PDE7B: variants seen among roughly 807,000 people sequenced by gnomAD.
PDE7B encodes the protein phosphodiesterase 7B.
PDE7B carries 29 observed loss-of-function variants against 56.2 expected under a neutral mutation model. The ratio of observed to expected loss-of-function variants is 0.52; its 90% CI spans 0.38 to 0.70. PDE7B has a LOEUF of 0.70. Among genes scored for constraint, PDE7B ranks in the 30% least tolerant of loss-of-function variants. The pLI is 0.00. For synonymous variants in PDE7B, 197 were observed against 196.9 expected (o/e 1.00, Z 0.00); for missense variants, 490 against 565.0 (o/e 0.87, Z 1.35).
intron 2 of PDE7B, among the ~76,000 whole-genome samples, chr6:136,097,338 ACAAT>A (rs1014911244): frequency 1.3e-5 from 2 of 152,122 alleles, no homozygotes; most frequent in African/African-American, 4.8e-5. Context: ...TGTGACTAGC[ACAAT>A]CAGTCATCCA....
intron 3 of PDE7B, among the ~76,000 whole-genome samples, chr6:136,137,790 A>G (rs1778241124): frequency 6.6e-6 from 1 of 152,090 alleles, no homozygotes; most frequent in South Asian, 2.1e-4. Flanking sequence ...GCCAACCCCA[A>G]CTTGTAAAAT....
At chr6:136,153,246 A>G (rs1342911153) in intron 6 of PDE7B, among the ~76,000 whole-genome samples, 1 of 152,250 alleles carries the variant, frequency 6.6e-6, no homozygotes, top group Non-Finnish European at 1.5e-5. Context: ...TATATAAAGA[A>G]TACAAAGACT....
chr6:136,104,983 T>C (rs6904324), intron 2 of PDE7B, among the ~76,000 whole-genome samples: 317 of 152,348 alleles, frequency 2.1e-3, no homozygotes, highest in African/African-American at 7.2e-3. Flanking sequence ...TAGGTATCTT[T>C]GCTCTCACCT....
At position 136,168,324 on chromosome 6, in the gene PDE7B, T is replaced by C. The variant is rs116347494; in HGVS notation, c.712-5473T>C. 6.1e-3 allele frequency among the ~76,000 whole-genome samples: 926 copies of C among 152,286 alleles called. 7 individuals carry two copies. Among genetic ancestry groups the C allele is most frequent in the African/African-American group, 0.021 (890 of 41,566 alleles). ...GCATTGAACGTCAAGCTAAGGAATTTGACTTAATTTGTCTTACAGGGATCC... is the reference window on the plus strand; with the variant it reads ...GCATTGAACGTCAAGCTAAGGAATTCGACTTAATTTGTCTTACAGGGATCC... On this transcript the variant is annotated intron_variant, in intron 8 of 12. Coordinates refer to ENST00000308191, the MANE Select transcript of PDE7B (RefSeq NM_018945.4).
chr6:135,965,931 T>C (rs72973567), intron 2 of PDE7B, among the ~76,000 whole-genome samples: 7,203 of 152,194 alleles, frequency 0.047, 236 homozygotes, highest in Non-Finnish European at 0.07. Context: ...CTGACTTCCT[T>C]TTTAAAATAC....
intron 6 of PDE7B, 26 bp downstream of exon 6, chr6:136,151,281 G>A (rs779558065): frequency 2.5e-6 from 3 of 1,214,108 alleles, no homozygotes; most frequent in South Asian, 1.2e-5. Context: ...CACATTTCTA[G>A]CCCCATTCTC....
intron 1 of PDE7B, among the ~76,000 whole-genome samples, chr6:135,885,146 A>G (rs1314775930): frequency 6.6e-6 from 1 of 151,988 alleles, no homozygotes; most frequent in East Asian, 1.9e-4. Context: ...CAGAGTCTAG[A>G]TTTTAGTAAT....
intron 2 of PDE7B, among the ~76,000 whole-genome samples, chr6:136,090,279 C>T (rs373026573): frequency 6.6e-6 from 1 of 152,060 alleles, no homozygotes; most frequent in Non-Finnish European, 1.5e-5. Context: ...CAGAAAAGAC[C>T]CAGGAGGATG....
At chr6:136,135,427 A>G (rs75837317) in intron 3 of PDE7B, among the ~76,000 whole-genome samples, 1 of 152,030 alleles carries the variant, frequency 6.6e-6, no homozygotes. Context: ...CTAAATGTTA[A>G]GAAATTTGTT....
At position 136,179,085 on chromosome 6, in the gene PDE7B, C is replaced by T; in HGVS notation, c.892C>T (p.Leu298Phe). Residue 298 changes from leucine (L) to phenylalanine (F), a missense_variant, in exon 10 of 13, where the codon CTC becomes TTC. Coordinates refer to ENST00000308191, the MANE Select transcript of PDE7B (RefSeq NM_018945.4). ...NEFLTRLKAHLHNKDLRLEDA... is the reference protein window; with the variant it reads ...NEFLTRLKAHFHNKDLRLEDA... Reference sequence around the variant, plus strand: ...ATTTTTGACCAGATTGAAAGCTCACCTCCACAATAAAGACTTAAGACTGGA... The same window carrying T: ...ATTTTTGACCAGATTGAAAGCTCACTTCCACAATAAAGACTTAAGACTGGA... The T allele has an allele frequency of 6.2e-7, 1 of 1,614,018 alleles. No homozygotes were observed.
chr6:136,059,293 GAA>G (rs1776795710), intron 2 of PDE7B, among the ~76,000 whole-genome samples: 1 of 152,174 alleles, frequency 6.6e-6, no homozygotes, highest in Non-Finnish European at 1.5e-5. Context: ...CTGAGGCAGA[GAA>G]AAGATGGAAG....
chr6:135,925,312 A>G (rs1037003123), intron 1 of PDE7B, among the ~76,000 whole-genome samples: 1 of 152,166 alleles, frequency 6.6e-6, no homozygotes, highest in Non-Finnish European at 1.5e-5. Flanking sequence ...TCAACTTGTC[A>G]GTTGAAATCC....
intron 9 of PDE7B, among the ~76,000 whole-genome samples, chr6:136,175,324 T>G (rs984073340): frequency 2.0e-5 from 3 of 152,226 alleles, no homozygotes; most frequent in African/African-American, 7.2e-5. Flanking sequence ...TAATGTCATT[T>G]TTCTGATTTT....
At chr6:135,940,227 T>G (rs1774485701) in intron 1 of PDE7B, among the ~76,000 whole-genome samples, 1 of 152,120 alleles carries the variant, frequency 6.6e-6, no homozygotes, top group Non-Finnish European at 1.5e-5. Context: ...AGTCCTCTCT[T>G]TTACCAGATA....
rs757191649 is a variant in PDE7B, at chr6:136,173,788, T to C, written c.712-9T>C. The C allele has an allele frequency of 1.3e-6, 2 of 1,577,078 alleles. No individual in the cohort carries two copies. The highest frequency in any genetic ancestry group is 1.7e-5 in the Admixed American group (1 of 59,846). ...TCTCATTTATAACTCTTATTTTCTT[T>C]CTTTCTAGAATATGTCTGTGCTGGA... On this transcript the variant is annotated splice_polypyrimidine_tract_variant and intron_variant, in intron 8 of 12. Coordinates refer to ENST00000308191, the MANE Select transcript of PDE7B (RefSeq NM_018945.4).
At chr6:136,097,232 G>A (rs1010697227) in intron 2 of PDE7B, among the ~76,000 whole-genome samples, 148 of 152,230 alleles carry the variant, frequency 9.7e-4, no homozygotes, top group African/African-American at 3.0e-3. Context: ...CCCCAGACCC[G>A]TATGTCCAAC....
At chr6:136,147,277 T>C in intron 3 of PDE7B, 74 bp from the exon 4 acceptor site, 1 of 978,462 alleles carries the variant, frequency 1.0e-6, no homozygotes, top group Non-Finnish European at 1.5e-6. Flanking sequence ...TTTTAATGCA[T>C]TTATTTTTAC....
At chr6:135,891,969 A>G (rs1364262733) in intron 1 of PDE7B, among the ~76,000 whole-genome samples, 2 of 152,258 alleles carry the variant, frequency 1.3e-5, no homozygotes, top group African/African-American at 2.4e-5. Context: ...CATGGTCTAT[A>G]GTTGGTACCC....
At chr6:135,947,425 T>G in intron 1 of PDE7B, 39 bp from the exon 2 acceptor site, 1 of 1,487,412 alleles carries the variant, frequency 6.7e-7, no homozygotes, top group Non-Finnish European at 9.4e-7. Context: ...AATCTTGATA[T>G]GAAATCTTAA....
Sources: gnomAD v4.1 joint callset for allele counts (sites outside exome capture counted in the v4.1 genomes callset) on GRCh38, gnomAD v4.1.1 for gene constraint, MANE v1.5 for transcripts, NCBI Gene and HGNC (gene_info 2026-07-23, HGNC 2026-07-21) for gene names.